Variants in ADGRV1 observed in about 807,000 individuals in gnomAD.
ADGRV1 encodes adhesion G protein-coupled receptor V1, also known as G-protein coupled receptor 98.
A neutral mutation model predicts 596.2 loss-of-function variants in ADGRV1; 359 were observed. That is an observed-to-expected ratio of 0.60 (90% confidence interval 0.55 to 0.66). ADGRV1 has a LOEUF of 0.66. ADGRV1 is among the 30% of genes least tolerant of loss of function. ADGRV1 has a pLI of 0.00. For missense variants in ADGRV1, 7,274 were observed against 7,575.6 expected (o/e 0.96, Z 1.48); for synonymous variants, 2,681 against 2,679.2 (o/e 1.00, Z -0.02).
At chr5:90,710,735 T>A (rs1993474) in intron 39 of ADGRV1, among the ~76,000 whole-genome samples, 1 of 151,896 alleles carries the variant, frequency 6.6e-6, no homozygotes, top group African/African-American at 2.4e-5. Context: ...CTCAGTTGTT[T>A]ATTATTTTAT....
intron 21 of ADGRV1, among the ~76,000 whole-genome samples, chr5:90,659,874 T>C (rs62375083): frequency 0.33 from 50,594 of 151,744 alleles, 8,772 homozygotes; most frequent in Admixed American, 0.48. Flanking sequence ...CTACTAAAAA[T>C]ACAAAAAATT....
intron 82 of ADGRV1, among the ~76,000 whole-genome samples, chr5:90,859,822 G>A (rs1485752018): frequency 2.0e-5 from 3 of 151,780 alleles, no homozygotes; most frequent in Non-Finnish European, 4.4e-5. Flanking sequence ...TTAAATTTAA[G>A]GCTGGGTGCT....
At chr5:90,807,868 C>A in intron 73 of ADGRV1, 131 bp downstream of exon 73, 2 of 777,852 alleles carry the variant, frequency 2.6e-6, no homozygotes, top group Non-Finnish European at 1.9e-6. Flanking sequence ...TGTAGAGCAT[C>A]ACGTGGCGTG....
chr5:90,690,500 G>T (rs1290095793), intron 30 of ADGRV1, among the ~76,000 whole-genome samples: 2 of 152,104 alleles, frequency 1.3e-5, no homozygotes, highest in South Asian at 2.1e-4. Context: ...TGCCCCTCTG[G>T]AGCAGGCTTG....
At chr5:90,967,104 A>G (rs552266381) in intron 84 of ADGRV1, among the ~76,000 whole-genome samples, 2 of 152,162 alleles carry the variant, frequency 1.3e-5, no homozygotes, top group Non-Finnish European at 2.9e-5. Context: ...TTTCCCCAGT[A>G]TGATATGATA....
intron 83 of ADGRV1, among the ~76,000 whole-genome samples, chr5:90,964,324 A>G (rs1203961686): frequency 1.3e-5 from 2 of 152,114 alleles, no homozygotes; most frequent in Non-Finnish European, 2.9e-5. Context: ...TCCTTTTGGA[A>G]TAAATCATTC....
At chr5:91,041,214 A>G (rs1344593452) in intron 85 of ADGRV1, among the ~76,000 whole-genome samples, 2 of 152,200 alleles carry the variant, frequency 1.3e-5, no homozygotes, top group Non-Finnish European at 1.5e-5. Flanking sequence ...ACTATTCACA[A>G]TAGCAAAGAC....
chr5:90,905,833 T>C (rs1458231735), intron 83 of ADGRV1, among the ~76,000 whole-genome samples: 1 of 152,066 alleles, frequency 6.6e-6, no homozygotes, highest in Non-Finnish European at 1.5e-5. Flanking sequence ...AGGCTTTTGG[T>C]TTTTCCCCAT....
Position 90,708,959 on chromosome 5 carries a change from A to C in ADGRV1, c.8824+50A>C, listed in dbSNP as rs41308850. 41,569 of 1,237,830 alleles carry C rather than the reference A, an allele frequency of 0.034. 901 individuals are homozygous for C. Among genetic ancestry groups the C allele is most frequent in the Non-Finnish European group, 0.04 (33,814 of 841,502 alleles). 76.7% of individuals were successfully genotyped at this position (1,237,830 alleles called of 1,614,324 possible). On this transcript the variant is annotated intron_variant, in intron 39 of 89. Transcript: ENST00000405460. ...CTTTTTGCTCACTTCAAATGAAATG[A>C]AGAAACTTCATTTTTGAATCAGAAG...
At position 90,756,962 on chromosome 5, in the gene ADGRV1, A is replaced by C. The variant is rs547407334; in HGVS notation, c.11758-17A>C. 2.6e-6 allele frequency: 4 copies of C among 1,556,144 alleles called. No homozygotes were observed. The African/African-American group carries it at 5.5e-5, about 21-fold the overall frequency. ...TACCATTTTATCTTGCCTTTCAATT[A>C]TATTCTTTACTTAAAGGGCGCTGGG... On this transcript the variant is annotated splice_polypyrimidine_tract_variant and intron_variant, in intron 56 of 89. Coordinates refer to ENST00000405460, the MANE Select transcript of ADGRV1 (RefSeq NM_032119.4).
At chr5:90,615,526 G>T (rs1393126776) in intron 2 of ADGRV1, among the ~76,000 whole-genome samples, 1 of 151,812 alleles carries the variant, frequency 6.6e-6, no homozygotes, top group Non-Finnish European at 1.5e-5. Flanking sequence ...TTACTGGGTG[G>T]ATTGTGTGTG....
chr5:90,860,536 A>C (rs1202109512), intron 82 of ADGRV1, among the ~76,000 whole-genome samples: 1 of 152,172 alleles, frequency 6.6e-6, no homozygotes, highest in East Asian at 1.9e-4. Flanking sequence ...AAAAGGCATT[A>C]TGCTGAGAAG....
At chr5:90,616,099 G>C (rs1763332535) in intron 2 of ADGRV1, among the ~76,000 whole-genome samples, 1 of 151,790 alleles carries the variant, frequency 6.6e-6, no homozygotes, top group Non-Finnish European at 1.5e-5. Flanking sequence ...TCTATAGTAA[G>C]GTATATTTTC....
chr5:90,728,616 C>T lies in ADGRV1; in HGVS notation c.10162-53C>T, dbSNP rs1580900081. The stretch of plus-strand genomic sequence containing the variant: ...ACATATGGTATTGATTACATTCTTG[C>T]AAGTGCTAAATTCCTAGTCATAAAG... On this transcript the variant is annotated intron_variant, in intron 48 of 89. Transcript: ENST00000405460. 4 of 1,453,876 alleles carry T rather than the reference C, an allele frequency of 2.8e-6. No homozygotes were observed. In the East Asian group the frequency reaches 9.1e-5, roughly 33 times the overall value. 90.1% of individuals were successfully genotyped at this position (1,453,876 alleles called of 1,614,324 possible).
chr5:91,035,046 G>A (rs1252550281), intron 85 of ADGRV1, among the ~76,000 whole-genome samples: 4 of 152,072 alleles, frequency 2.6e-5, no homozygotes, highest in Non-Finnish European at 4.4e-5. Flanking sequence ...GATGTGAGCC[G>A]CTGCATCCAG....
At chr5:91,119,398 C>T (rs1793118751) in intron 87 of ADGRV1, among the ~76,000 whole-genome samples, 1 of 152,154 alleles carries the variant, frequency 6.6e-6, no homozygotes, top group Admixed American at 6.5e-5. Flanking sequence ...CACTGCTGTG[C>T]AGTCCACGGG....
chr5:90,763,215 G>A (rs998845385), intron 58 of ADGRV1, 90 bp from the exon 59 acceptor site: 1 of 1,121,102 alleles, frequency 8.9e-7, no homozygotes, highest in Admixed American at 3.1e-5. Flanking sequence ...TAAAACTGCA[G>A]TCATTGTAAA....
Position 91,012,975 on chromosome 5 carries a change from T to G in ADGRV1, c.18152+27453T>G, listed in dbSNP as rs118113117. On this transcript the variant is annotated intron_variant, in intron 85 of 89. Transcript: ENST00000405460. ...AATTTATAGGTGAGAATATGCAGTA[T>G]TTGGTTTTCTCTTCTTGCGTTAGTT... 4.5e-4 allele frequency among the ~76,000 whole-genome samples: 68 copies of G among 152,268 alleles called. No homozygotes were observed. In the East Asian group the frequency reaches 0.012, roughly 27 times the overall value.
chr5:90,768,857 C>A (rs1757408555), intron 59 of ADGRV1, among the ~76,000 whole-genome samples: 1 of 152,184 alleles, frequency 6.6e-6, no homozygotes, highest in South Asian at 2.1e-4. Context: ...AGGAAGTGCT[C>A]TTGAGGTCAA....
Sources: gnomAD v4.1 joint callset for allele counts (sites outside exome capture counted in the v4.1 genomes callset) on GRCh38, gnomAD v4.1.1 for gene constraint, MANE v1.5 for transcripts, NCBI Gene and HGNC (gene_info 2026-07-23, HGNC 2026-07-21) for gene names.